The following ATM variants were observed in gnomAD, a reference collection of about 807,000 sequenced individuals.
The protein encoded by ATM is serine-protein kinase ATM.
A neutral mutation model predicts 387.0 loss-of-function variants in ATM; 308 were observed. That is an observed-to-expected ratio of 0.80 (90% CI 0.73 to 0.87). The LOEUF is 0.87. Ranked by LOEUF, ATM falls within the 40% of genes least tolerant of loss-of-function variation. The pLI, the probability that ATM is intolerant of heterozygous loss-of-function variation, is 0.00. For synonymous variants in ATM, 1,156 were observed against 1,187.3 expected, an observed-to-expected ratio of 0.97 and a Z score of 0.54; for missense variants, 3,312 against 3,560.9, an observed-to-expected ratio of 0.93 and a Z score of 1.78.
At chr11:108,233,734 C>CTTTCT (rs2079132988) in intron 4 of ATM, among the ~76,000 whole-genome samples, 1 of 152,022 alleles carries the variant, frequency 6.6e-6, no homozygotes, top group Non-Finnish European at 1.5e-5. Context: ...GTAGTCCTAG[C>CTTTCT]TACCTGGGAG....
At chr11:108,284,605 C>T in intron 26 of ATM, 132 bp downstream of exon 26, 1 of 1,228,616 alleles carries the variant, frequency 8.1e-7, no homozygotes, top group Non-Finnish European at 1.1e-6. Flanking sequence ...CATTATCTAG[C>T]ATAGCCAACC....
Position 108,281,007 on chromosome 11 carries a change from G to C in ATM, c.3415G>C (p.Glu1139Gln), listed in dbSNP as rs786203048. ...EGMREMSHSA[E>Q]NPETLDEIYN... Reference sequence around the variant, plus strand: ...ATTTCTTTTTAAGTCCCATAGTGCTGAGAACCCTGAAACTTTGGATGAAAT... The same window carrying C: ...ATTTCTTTTTAAGTCCCATAGTGCTCAGAACCCTGAAACTTTGGATGAAAT... Residue 1139 changes from glutamate to glutamine, a missense_variant, in exon 24 of 63, where the codon GAG becomes CAG. Glu to Gln is a conservative substitution (Grantham distance 29). This residue lies in a region of ATM where 1,791 missense variants were observed against 1,804.5 expected (regional missense o/e 0.99). Coordinates refer to ENST00000675843, the MANE Select transcript of ATM (RefSeq NM_000051.4). The C allele has an allele frequency of 6.2e-7, 1 of 1,611,448 alleles. No homozygotes were observed. Among genetic ancestry groups the C allele is most frequent in the African/African-American group, 1.3e-5 (1 of 74,696 alleles).
chr11:108,272,494 A>G, intron 20 of ATM, 38 bp from the exon 21 acceptor site: 1 of 1,516,710 alleles, frequency 6.6e-7, no homozygotes, highest in South Asian at 1.1e-5. Context: ...CTTTTATCAG[A>G]ATGATTATTT....
intron 22 of ATM, 88 bp downstream of exon 22, chr11:108,272,940 T>A: frequency 6.6e-7 from 1 of 1,512,440 alleles, no homozygotes; most frequent in Non-Finnish European, 9.1e-7. Flanking sequence ...GTTGCAATAT[T>A]AAAAATAGCT....
intron 3 of ATM, among the ~76,000 whole-genome samples, chr11:108,228,787 T>A (rs2078864138): frequency 6.6e-6 from 1 of 152,250 alleles, no homozygotes; most frequent in African/African-American, 2.4e-5. Flanking sequence ...TATGAATATC[T>A]TCTAGGCAGG....
Position 108,304,801 on chromosome 11 carries a change from C to T in ATM, c.5623C>T (p.Arg1875Ter), listed in dbSNP as rs376603775. 66 of 1,613,398 alleles carry T rather than the reference C, an allele frequency of 4.1e-5. No individual in the cohort carries two copies. The highest frequency in any genetic ancestry group is 1.6e-4 in the Middle Eastern group (1 of 6,084). Residue 1875 changes from arginine (R) to a stop codon, truncating the protein, a stop_gained, in exon 37 of 63, where the codon CGA (arginine) becomes TGA (stop). Coordinates refer to ENST00000675843, the MANE Select transcript of ATM (RefSeq NM_000051.4). LOFTEE classifies it high-confidence loss of function. Reference protein sequence around the residue: ...HVQGFFTSCLRHFSQTSRSTT... With the variant: ...HVQGFFTSCL Reference sequence around the variant, plus strand: ...TCAGGGATTTTTCACCAGCTGTCTTCGACACTTCTCGCAAACGAGCCGATC... The same window carrying T: ...TCAGGGATTTTTCACCAGCTGTCTTTGACACTTCTCGCAAACGAGCCGATC...
chr11:108,277,371 G>A (rs1335054918), intron 22 of ATM, among the ~76,000 whole-genome samples: 2 of 152,146 alleles, frequency 1.3e-5, no homozygotes, highest in Non-Finnish European at 2.9e-5. Context: ...CTAGGGGAGT[G>A]AATGGGTCCG....
chr11:108,366,222 GTATGT>G lies in ATM; in HGVS notation c.*718_*722del, dbSNP rs2091323035. The G allele has an allele frequency of 5.1e-6, 1 of 195,316 alleles. No individual in the cohort carries two copies. The highest frequency in any genetic ancestry group is 2.3e-5 in the African/African-American group (1 of 43,282). 12.1% of individuals were successfully genotyped at this position (195,316 alleles called of 1,614,324 possible). Reference sequence around the variant, plus strand: ...TTTTAAGCCCTTCTGTACTGTCCATGTATGTTATCTTTCTGTGATAACTTCATAGA... The same window carrying G: ...TTTTAAGCCCTTCTGTACTGTCCATGTATCTTTCTGTGATAACTTCATAGA... On this transcript the variant is annotated 3_prime_UTR_variant, in exon 63 of 63. Coordinates refer to ENST00000675843, the MANE Select transcript of ATM (RefSeq NM_000051.4).
chr11:108,266,421 TG>T (rs953029711), intron 16 of ATM, among the ~76,000 whole-genome samples: 2 of 143,224 alleles, frequency 1.4e-5, no homozygotes, highest in Admixed American at 1.5e-4. Context: ...CACTCATAGG[TG>T]GGAATTGAAC....
chr11:108,319,783 G>T (rs915992872), intron 43 of ATM, among the ~76,000 whole-genome samples, 171 bp from the exon 44 acceptor site: 2 of 152,260 alleles, frequency 1.3e-5, no homozygotes, highest in African/African-American at 4.8e-5. Flanking sequence ...TCTGCTTAAA[G>T]AATTTAAATG....
chr11:108,242,102 A>G (rs1393682569), intron 5 of ATM, among the ~76,000 whole-genome samples: 1 of 151,932 alleles, frequency 6.6e-6, no homozygotes, highest in Non-Finnish European at 1.5e-5. Context: ...TGGGCAGTGT[A>G]GTGAGACTTC....
intron 39 of ATM, 42 bp downstream of exon 39, chr11:108,310,357 G>A (rs371629708): frequency 1.9e-6 from 3 of 1,563,570 alleles, no homozygotes; most frequent in African/African-American, 2.7e-5. Flanking sequence ...ATTAATGTTG[G>A]CATTGTCTCA....
In ATM at chr11:108,235,718, CA is replaced by C. The variant is rs587781831; in HGVS notation, c.381del (p.Val128Ter). Reference protein sequence around the residue: ...CQELLNYIMDTVKDSSNGAIY... With the variant: ...CQELLNYIMDXVKDSSNGAIY... ...GAACTCTTAAATTATATCATGGATA[CA>C]GTGAAAGATTCATCTAATGGTGCTA... On this transcript the variant is annotated frameshift_variant, in exon 5 of 63. Transcript: ENST00000675843. LOFTEE classifies it high-confidence loss of function. 1.2e-6 allele frequency: 2 copies of C among 1,612,094 alleles called. No homozygotes were observed. The highest frequency in any genetic ancestry group is 1.7e-6 in the Non-Finnish European group (2 of 1,178,352).
chr11:108,290,852 C>T (rs569834217), intron 29 of ATM, among the ~76,000 whole-genome samples: 2 of 135,018 alleles, frequency 1.5e-5, no homozygotes, highest in South Asian at 4.2e-4. Flanking sequence ...AGCACTACTT[C>T]TCCAATTCTA....
At chr11:108,262,709 A>C (rs1221323343) in intron 16 of ATM, among the ~76,000 whole-genome samples, 49 of 150,890 alleles carry the variant, frequency 3.2e-4, no homozygotes, top group Admixed American at 3.2e-3. Flanking sequence ...AAGAGTCAAG[A>C]CCCATCAGTG....
rs976357639 is a variant in ATM at position 108,366,225 on chromosome 11, T to G, written c.*717T>G. 1 of 196,254 alleles carries G rather than the reference T, an allele frequency of 5.1e-6. No individual in the cohort carries two copies. The highest frequency in any genetic ancestry group is 1.1e-5 in the Non-Finnish European group (1 of 94,504). 12.2% of individuals were successfully genotyped at this position (196,254 alleles called of 1,614,324 possible). ...TAAGCCCTTCTGTACTGTCCATGTA[T>G]GTTATCTTTCTGTGATAACTTCATA... On this transcript the variant is annotated 3_prime_UTR_variant, in exon 63 of 63. Coordinates refer to ENST00000675843, the MANE Select transcript of ATM (RefSeq NM_000051.4).
intron 28 of ATM, 104 bp downstream of exon 28, chr11:108,289,207 T>C (rs1162575870): frequency 8.5e-7 from 1 of 1,177,696 alleles, no homozygotes; most frequent in East Asian, 2.6e-5. Context: ...ATGAAAAATT[T>C]ATCTCATAAT....
At chr11:108,280,330 C>G (rs950409168) in intron 23 of ATM, among the ~76,000 whole-genome samples, 1 of 151,954 alleles carries the variant, frequency 6.6e-6, no homozygotes, top group Non-Finnish European at 1.5e-5. Context: ...AGAAAAAGAC[C>G]TAGGAAGTTT....
At chr11:108,335,818 G>A (rs2136689191) in intron 55 of ATM, 27 bp from the exon 56 acceptor site, 3 of 1,570,226 alleles carry the variant, frequency 1.9e-6, no homozygotes, top group Non-Finnish European at 2.6e-6. Context: ...AACTGTACTT[G>A]TTTATTCATG....
Sources: allele counts gnomAD v4.1 joint callset (sites outside exome capture counted in the v4.1 genomes callset), GRCh38; gene constraint gnomAD v4.1.1; regional missense constraint gnomAD v4.1.1; transcripts MANE v1.5; gene names NCBI Gene and HGNC (gene_info 2026-07-23, HGNC 2026-07-21).